Variants in HERC2 observed in about 807,000 individuals in gnomAD.
HERC2 encodes the protein E3 ubiquitin-protein ligase HERC2.
A neutral mutation model predicts 537.7 loss-of-function variants in HERC2; 102 were observed. That is an observed-to-expected ratio of 0.19 (90% confidence interval 0.16 to 0.22). The LOEUF (loss-of-function observed/expected upper bound fraction) is 0.22, where lower values mean the gene tolerates loss of function less well. Ranked by LOEUF, HERC2 falls within the 10% of genes least tolerant of loss-of-function variation. The pLI is 1.00. For synonymous variants in HERC2, 2,224 were observed against 2,466.2 expected, an observed-to-expected ratio of 0.90 and a Z score of 2.91; for missense variants, 4,236 against 6,198.2, an observed-to-expected ratio of 0.68 and a Z score of 10.63.
At position 28,146,029 on chromosome 15, in the gene HERC2, G is replaced by A. The variant is rs530766626; in HGVS notation, c.11008+208C>T. Among the ~76,000 whole-genome samples the A allele has an allele frequency of 1.2e-4, 18 of 152,296 alleles. No homozygotes were observed. The South Asian group carries it at 2.7e-3, about 23-fold the overall frequency. Reference sequence around the variant, plus strand: ...GCAGGGCCCATCCGACAGGGATGTGGTACATACATCACAGATAATTACTGT... The same window carrying A: ...GCAGGGCCCATCCGACAGGGATGTGATACATACATCACAGATAATTACTGT... On this transcript the variant is annotated intron_variant, in intron 71 of 92. Transcript: ENST00000261609.
intron 83 of HERC2, among the ~76,000 whole-genome samples, chr15:28,125,926 C>T (rs1889430790): frequency 1.3e-5 from 2 of 152,212 alleles, no homozygotes; most frequent in Admixed American, 1.3e-4. Flanking sequence ...ATTCTCCGGC[C>T]TCAGCCTCCT....
chr15:28,289,481 C>A (rs1230476438), intron 4 of HERC2, among the ~76,000 whole-genome samples: 1 of 152,172 alleles, frequency 6.6e-6, no homozygotes, highest in Non-Finnish European at 1.5e-5. Flanking sequence ...GATTTCAATC[C>A]TCCTCAGAAG....
chr15:28,198,566 A>G (rs753471549), intron 49 of HERC2, 35 bp downstream of exon 49: 2 of 1,609,572 alleles, frequency 1.2e-6, no homozygotes, highest in Admixed American at 1.7e-5. Context: ...TGTCTCTAAG[A>G]AAAAACAAAA....
At chr15:28,276,589 G>T (rs4932621) in intron 5 of HERC2, among the ~76,000 whole-genome samples, 1 of 151,974 alleles carries the variant, frequency 6.6e-6, no homozygotes, top group Non-Finnish European at 1.5e-5. Context: ...ACAAAAATTA[G>T]CCGGGTGTGG....
chr15:28,156,078 T>G (rs1892979439), intron 69 of HERC2, among the ~76,000 whole-genome samples: 1 of 152,162 alleles, frequency 6.6e-6, no homozygotes, highest in Admixed American at 6.5e-5. Flanking sequence ...GTTGTAGATG[T>G]GTGGTATTAT....
chr15:28,279,651 A>ACACACACACACACACACACACACACACAC (rs2075971136), intron 5 of HERC2, among the ~76,000 whole-genome samples: 1 of 150,948 alleles, frequency 6.6e-6, no homozygotes, highest in African/African-American at 2.4e-5. Context: ...ACACACACAC[A>ACACACACACACACACACACACACACACAC]AATTGTTTTT....
chr15:28,226,730 C>T (rs1901217290), intron 35 of HERC2, among the ~76,000 whole-genome samples: 1 of 151,460 alleles, frequency 6.6e-6, no homozygotes, highest in Non-Finnish European at 1.5e-5. Flanking sequence ...GCATAGACGA[C>T]AAAAGAGAAA....
chr15:28,309,687 A>G (rs2076887585), intron 2 of HERC2, among the ~76,000 whole-genome samples: 2 of 151,928 alleles, frequency 1.3e-5, no homozygotes, highest in South Asian at 4.2e-4. Context: ...AGCGTGCCCT[A>G]GCCAACACCT....
At chr15:28,287,717 CTCTT>C (rs2076194480) in intron 4 of HERC2, among the ~76,000 whole-genome samples, 1 of 136,692 alleles carries the variant, frequency 7.3e-6, no homozygotes, top group African/African-American at 2.9e-5. Context: ...ATACTTATTC[CTCTT>C]TTTTTTTTTT....
chr15:28,249,874 C>T (rs1440636872), intron 20 of HERC2, among the ~76,000 whole-genome samples: 1 of 147,700 alleles, frequency 6.8e-6, no homozygotes, highest in African/African-American at 2.5e-5. Context: ...CCAGGATGGT[C>T]TCGATTTCCC....
intron 44 of HERC2, among the ~76,000 whole-genome samples, chr15:28,208,135 T>G (rs545886112): frequency 6.6e-6 from 1 of 152,210 alleles, no homozygotes; most frequent in Non-Finnish European, 1.5e-5. Flanking sequence ...TACTATTAAT[T>G]GATTCTATAC....
At chr15:28,300,193 C>CA (rs1438282045) in intron 2 of HERC2, among the ~76,000 whole-genome samples, 2 of 151,696 alleles carry the variant, frequency 1.3e-5, no homozygotes, top group Non-Finnish European at 2.9e-5. Context: ...TGGACAAAGG[C>CA]AGCAGGACCA....
At chr15:28,136,221 T>A (rs1890619927) in intron 78 of HERC2, among the ~76,000 whole-genome samples, 1 of 151,990 alleles carries the variant, frequency 6.6e-6, no homozygotes, top group Non-Finnish European at 1.5e-5. Context: ...ATACACACAC[T>A]AAATCAGACT....
At chr15:28,271,087 C>G (rs2075714713) in intron 9 of HERC2, among the ~76,000 whole-genome samples, 1 of 152,174 alleles carries the variant, frequency 6.6e-6, no homozygotes, top group Non-Finnish European at 1.5e-5. Flanking sequence ...ACAACATTGA[C>G]TGCGCATGTA....
chr15:28,264,817 C>T lies in HERC2; in HGVS notation c.1870+801G>A, dbSNP rs1596347983. On this transcript the variant is annotated intron_variant, in intron 14 of 92. Coordinates refer to ENST00000261609, the MANE Select transcript of HERC2 (RefSeq NM_004667.6). The stretch of plus-strand genomic sequence containing the variant: ...TGACGAGATGTCAAACTGAAAGCTC[C>T]TTGACAGCAGGAGCCTTTCAGATGA... Among the ~76,000 whole-genome samples the T allele has an allele frequency of 2.0e-5, 3 of 152,150 alleles. No homozygotes were observed. In the East Asian group the frequency reaches 5.8e-4, roughly 29 times the overall value.
chr15:28,194,390 G>A (rs551698530), intron 52 of HERC2, among the ~76,000 whole-genome samples: 7 of 148,086 alleles, frequency 4.7e-5, no homozygotes, highest in African/African-American at 1.7e-4. Context: ...CTAACACGGT[G>A]AAACCCCATC....
At chr15:28,183,479 C>T (rs140589552) in intron 56 of HERC2, among the ~76,000 whole-genome samples, 292 of 152,278 alleles carry the variant, frequency 1.9e-3, no homozygotes, top group African/African-American at 6.6e-3. Flanking sequence ...TCCTAAAGTG[C>T]TGGGATTACA....
rs1901714304 is a variant in HERC2 at position 28,230,490 on chromosome 15, C to A, written c.4686G>T (p.Lys1562Asn). ...TTTCTTCATCATCCGTAGATTCTGG[C>A]TTCTTAGGAACTGTGTTTTAAAACA... ...RERRKKRVPKKPESTDDEEKI... is the reference protein window; with the variant it reads ...RERRKKRVPKNPESTDDEEKI... The change falls in exon 31 of 93, where the codon AAG becomes AAT. Residue 1562 changes from lysine to asparagine, a missense_variant. By Grantham distance (94) the Lys-to-Asn change is moderately conservative. Transcript: ENST00000261609. 2.4e-6 allele frequency: 3 copies of A among 1,235,720 alleles called. No homozygotes were observed. The highest frequency in any genetic ancestry group is 1.2e-5 in the South Asian group (1 of 82,522). The allele number at this position is 1,235,720 out of a possible 1,614,324, so 76.5% of individuals were successfully genotyped here. A position where few individuals can be genotyped will look rare whatever the true frequency, so the allele number is the denominator to read the frequency against.
rs959485973 is a variant in HERC2, at chr15:28,144,108, C to A, written c.11268G>T (p.Ser3756=). ...NRSIVPRLAA[S]LAACAQLSAL... ...CACTCAGCTGTGCACAAGCTGCCAG[C>A]GAGGCCGCAAGGCGAGGGACGATGC... Residue 3756 remains serine (S), a synonymous_variant, in exon 73 of 93, where the codon TCG becomes TCT. Transcript: ENST00000261609. 1.2e-6 allele frequency: 2 copies of A among 1,614,132 alleles called. No individual in the cohort carries two copies. Among genetic ancestry groups the A allele is most frequent in the Non-Finnish European group, 1.7e-6 (2 of 1,180,042 alleles).
Sources: gnomAD v4.1 joint callset for allele counts (sites outside exome capture counted in the v4.1 genomes callset) on GRCh38, gnomAD v4.1.1 for gene constraint, MANE v1.5 for transcripts, NCBI Gene and HGNC (gene_info 2026-07-23, HGNC 2026-07-21) for gene names.